The following ANO10 variants were observed in gnomAD, a reference collection of about 807,000 sequenced individuals.
The protein encoded by ANO10 is anoctamin-10.
A neutral mutation model predicts 74.7 loss-of-function variants in ANO10; 77 were observed. That is an observed-to-expected ratio of 1.03 (90% confidence interval 0.86 to 1.25). The LOEUF (loss-of-function observed/expected upper bound fraction) is 1.25, where lower values mean the gene tolerates loss of function less well. Ranked by LOEUF, ANO10 falls within the 50% of genes most tolerant of loss-of-function variation. ANO10 has a pLI of 0.00. For missense variants in ANO10, 721 were observed against 778.1 expected, an observed-to-expected ratio of 0.93 and a Z score of 0.87; for synonymous variants, 279 against 284.9, an observed-to-expected ratio of 0.98 and a Z score of 0.21.
intron 4 of ANO10, among the ~76,000 whole-genome samples, chr3:43,591,621 G>C (rs550831294): frequency 6.6e-6 from 1 of 152,280 alleles, no homozygotes; most frequent in East Asian, 1.9e-4. Context: ...ACCATGAGAG[G>C]TTCCAAGATG....
chr3:43,370,857 CTG>C (rs2091584532), intron 12 of ANO10, among the ~76,000 whole-genome samples: 1 of 152,134 alleles, frequency 6.6e-6, no homozygotes, highest in African/African-American at 2.4e-5. Flanking sequence ...CTGAGGAAGA[CTG>C]TGTGACCAGA....
rs370803677 is a variant in ANO10 at position 43,506,630 on chromosome 3, C to CAT, written c.1797+43089_1797+43090insAT. On this transcript the variant is annotated intron_variant, in intron 11 of 12. Coordinates refer to ENST00000292246, the MANE Select transcript of ANO10 (RefSeq NM_018075.5). ...CCCATCACTCCCTGTGATCCAGCCA[C>CAT]GAGTTTCTTTGCTGTTCCTTAATAG... is the stretch of plus-strand genomic sequence containing the variant. Among the ~76,000 whole-genome samples, 16 of 152,274 alleles carry CAT rather than the reference C, an allele frequency of 1.1e-4. 1 individual carries two copies. Among genetic ancestry groups the CAT allele is most frequent in the East Asian group, 7.7e-4 (4 of 5,176 alleles).
At chr3:43,622,866 T>C (rs2083450606), upstream of ANO10, among the ~76,000 whole-genome samples, 1 of 152,126 alleles carries the variant, frequency 6.6e-6, no homozygotes, top group African/African-American at 2.4e-5. Flanking sequence ...CTTTTTGACT[T>C]TTTGTTGTTG....
At chr3:43,581,876 T>C (rs1358073802) in intron 4 of ANO10, among the ~76,000 whole-genome samples, 2 of 148,408 alleles carry the variant, frequency 1.3e-5, no homozygotes, top group Non-Finnish European at 3.0e-5. Context: ...CAGTGAGCTA[T>C]GATAATGCCA....
Position 43,673,892 on chromosome 3 carries a change from C to A in ANO10, c.-12+17625G>T, listed in dbSNP as rs113925467. On this transcript the variant is annotated intron_variant, in intron 1 of 3. Coordinates refer to the ANO10 transcript ENST00000413397. ...TTCTCTGCCCCTACCCCCAATGACACTAGAACTTGAAATTGTACAATCAGA... is the reference window on the plus strand; with the variant it reads ...TTCTCTGCCCCTACCCCCAATGACAATAGAACTTGAAATTGTACAATCAGA... Among the ~76,000 whole-genome samples, 429 of 152,226 alleles carry A rather than the reference C, an allele frequency of 2.8e-3. 5 individuals are homozygous for A. Among genetic ancestry groups the A allele is most frequent in the African/African-American group, 9.9e-3 (413 of 41,508 alleles).
intron 11 of ANO10, among the ~76,000 whole-genome samples, chr3:43,539,503 A>C (rs1279284768): frequency 5.3e-5 from 8 of 152,194 alleles, no homozygotes; most frequent in Non-Finnish European, 7.4e-5. Context: ...GTCCCAGAGG[A>C]GGGTGACGCA....
At position 43,490,108 on chromosome 3, in the gene ANO10, C is replaced by T. The variant is rs1042200249; in HGVS notation, c.1798-57381G>A. Among the ~76,000 whole-genome samples the T allele has an allele frequency of 4.6e-5, 7 of 152,312 alleles. No individual in the cohort carries two copies. In the South Asian group the frequency reaches 1.4e-3, roughly 32 times the overall value. On this transcript the variant is annotated intron_variant, in intron 11 of 12. Transcript: ENST00000292246. The stretch of plus-strand genomic sequence containing the variant: ...ACGTGATACATGGATGATGGAAAAA[C>T]AGCCTGAAGTCAGAGAAGGCTTACG...
At chr3:43,495,227 A>G (rs1342746722) in intron 11 of ANO10, among the ~76,000 whole-genome samples, 1 of 152,130 alleles carries the variant, frequency 6.6e-6, no homozygotes, top group Non-Finnish European at 1.5e-5. Flanking sequence ...TAATTTTAAA[A>G]AAACAAAAAT....
intron 12 of ANO10, among the ~76,000 whole-genome samples, chr3:43,394,558 T>G (rs571383004): frequency 1.3e-5 from 2 of 152,290 alleles, no homozygotes; most frequent in South Asian, 2.1e-4. Flanking sequence ...AGTAAGAAGA[T>G]GTAGAATTTA....
intron 1 of ANO10, among the ~76,000 whole-genome samples, chr3:43,651,321 A>G (rs1447859936): frequency 2.0e-5 from 3 of 152,212 alleles, no homozygotes; most frequent in Non-Finnish European, 2.9e-5. Context: ...GAAGAACAAG[A>G]TAAAAGGATA....
At chr3:43,385,811 A>T (rs1346625345) in intron 12 of ANO10, among the ~76,000 whole-genome samples, 4 of 152,164 alleles carry the variant, frequency 2.6e-5, no homozygotes, top group Non-Finnish European at 5.9e-5. Context: ...CATTGGGTAC[A>T]GTGTAGTGCT....
At chr3:43,551,861 T>G (rs918656767) in intron 10 of ANO10, among the ~76,000 whole-genome samples, 5 of 152,196 alleles carry the variant, frequency 3.3e-5, no homozygotes, top group African/African-American at 1.2e-4. Context: ...TATACTTCAG[T>G]CATGTGTTTT....
At chr3:43,602,576 T>TGG (rs1456638453) in intron 2 of ANO10, among the ~76,000 whole-genome samples, 1 of 152,218 alleles carries the variant, frequency 6.6e-6, no homozygotes, top group Non-Finnish European at 1.5e-5. Context: ...CCTCAAGTGA[T>TGG]CCGCCCGCCT....
intron 11 of ANO10, among the ~76,000 whole-genome samples, chr3:43,543,204 G>A (rs2079032426): frequency 6.6e-6 from 1 of 152,052 alleles, no homozygotes; most frequent in Non-Finnish European, 1.5e-5. Context: ...GTGACAAAAT[G>A]TTCAAAATCA....
Position 43,569,191 on chromosome 3 carries a change from T to A in ANO10, c.1219-3464A>T, listed in dbSNP as rs1410416136. On this transcript the variant is annotated intron_variant, in intron 7 of 12. Transcript: ENST00000292246. ...ACAGGAGCTGAAATTGTGGCAATAA[T>A]CAATAGCTTACCAACCAAAAAGAGT... Among the ~76,000 whole-genome samples, 3 of 144,702 alleles carry A rather than the reference T, an allele frequency of 2.1e-5. No individual in the cohort carries two copies. The East Asian group carries it at 6.0e-4, about 29-fold the overall frequency. 94.9% of individuals were successfully genotyped at this position (144,702 alleles called of 152,430 possible). A position where few individuals can be genotyped will look rare whatever the true frequency, so the allele number is the denominator to read the frequency against.
chr3:43,561,352 T>A lies in ANO10; in HGVS notation c.1344A>T (p.Glu448Asp). 1.2e-6 allele frequency: 2 copies of A among 1,614,180 alleles called. No individual in the cohort carries two copies. The highest frequency in any genetic ancestry group is 8.5e-7 in the Non-Finnish European group (1 of 1,180,014). Residue 448 changes from glutamate to aspartate, a missense_variant, in exon 9 of 13, where the codon GAA (glutamate) becomes GAT (aspartate). Physicochemically the swap from Glu to Asp is conservative, Grantham distance 45. Transcript: ENST00000292246. ...ITSQILNQIM[E>D]SFLPYWLQRK... The stretch of plus-strand genomic sequence containing the variant: ...TTTGGAGCCAATAAGGAAGAAAAGA[T>A]TCCATAATTTGGTTGAGGATCTGGG...
intron 12 of ANO10, among the ~76,000 whole-genome samples, chr3:43,408,658 G>A (rs1426620715): frequency 6.6e-6 from 1 of 152,138 alleles, no homozygotes; most frequent in African/African-American, 2.4e-5. Context: ...ACTGAGCTCC[G>A]GATAGGATCA....
At chr3:43,509,467 A>T (rs976656001) in intron 11 of ANO10, among the ~76,000 whole-genome samples, 14 of 152,250 alleles carry the variant, frequency 9.2e-5, no homozygotes, top group African/African-American at 3.4e-4. Flanking sequence ...ATTAGCCATC[A>T]GGAAAATACA....
At chr3:43,548,151 G>T (rs2079285863) in intron 11 of ANO10, among the ~76,000 whole-genome samples, 1 of 152,180 alleles carries the variant, frequency 6.6e-6, no homozygotes, top group Non-Finnish European at 1.5e-5. Context: ...TGGCTTTCTG[G>T]TCAATCCCTT....
Sources: gnomAD v4.1 joint callset for allele counts (sites outside exome capture counted in the v4.1 genomes callset) on GRCh38, gnomAD v4.1.1 for gene constraint, MANE v1.5 for transcripts, NCBI Gene and HGNC (gene_info 2026-07-23, HGNC 2026-07-21) for gene names.